LEPROTL1: variants seen among roughly 807,000 people sequenced by gnomAD.
LEPROTL1 encodes the protein leptin receptor overlapping transcript like 1.
A neutral mutation model predicts 15.4 loss-of-function variants in LEPROTL1; 6 were observed. That is an observed-to-expected ratio of 0.39 (90% confidence interval 0.21 to 0.77). LEPROTL1 has a LOEUF of 0.77. LEPROTL1 is among the 30% of genes least tolerant of loss of function. The probability of loss-of-function intolerance (pLI) is 0.41; values close to 1 mark genes in which losing one functional copy is unlikely to be tolerated. For synonymous variants in LEPROTL1, 56 were observed against 52.6 expected (o/e 1.06, Z -0.28); for missense variants, 128 against 158.1 (o/e 0.81, Z 1.02).
Position 30,107,614 on chromosome 8 carries a change from G to C in LEPROTL1, c.*1752G>C. Reference sequence around the variant, plus strand: ...GAAGCAGGACGAAATATCGGCGTGTGGCTGGAGCCTTCCCACTGGAGGCTG... The same window carrying C: ...GAAGCAGGACGAAATATCGGCGTGTCGCTGGAGCCTTCCCACTGGAGGCTG... On this transcript the variant is annotated 3_prime_UTR_variant, in exon 4 of 4. Coordinates refer to ENST00000321250, the MANE Select transcript of LEPROTL1 (RefSeq NM_015344.3). The C allele has an allele frequency of 1.0e-6, 1 of 985,832 alleles. No homozygotes were observed. Among genetic ancestry groups the C allele is most frequent in the Non-Finnish European group, 1.2e-6 (1 of 829,940 alleles). The allele number at this position is 985,832 out of a possible 1,614,324, so 61.1% of individuals were successfully genotyped here.
Position 30,107,295 on chromosome 8 carries a change from T to C in LEPROTL1, c.*1433T>C, listed in dbSNP as rs1286019741. 4.1e-6 allele frequency: 4 copies of C among 985,542 alleles called. No homozygotes were observed. The highest frequency in any genetic ancestry group is 1.2e-6 in the Non-Finnish European group (1 of 829,880). The allele number at this position is 985,542 out of a possible 1,614,324, so 61.0% of individuals were successfully genotyped here. ...GATCAATTTATAGTGGTCGTTTACA[T>C]CTAATAATTATCAGGACTTTTTTCA... is the stretch of plus-strand genomic sequence containing the variant. On this transcript the variant is annotated 3_prime_UTR_variant, in exon 4 of 4. Transcript: ENST00000321250.
chr8:30,127,363 G>A (rs920169135), intron 3 of LEPROTL1, among the ~76,000 whole-genome samples: 8 of 152,090 alleles, frequency 5.3e-5, no homozygotes, highest in East Asian at 1.9e-4. Context: ...AGAGTGATTC[G>A]GCTGATGAAA....
intron 3 of LEPROTL1, among the ~76,000 whole-genome samples, chr8:30,124,613 A>G (rs1490960694): frequency 6.6e-6 from 1 of 152,210 alleles, no homozygotes; most frequent in Non-Finnish European, 1.5e-5. Flanking sequence ...TCCCTATAAT[A>G]TTCTTTCAAA....
chr8:30,115,381 C>A (rs1044238010), intron 3 of LEPROTL1, among the ~76,000 whole-genome samples: 1 of 151,692 alleles, frequency 6.6e-6, no homozygotes, highest in African/African-American at 2.4e-5. Context: ...ATATCATGTA[C>A]CCCCAGATAT....
chr8:30,111,647 TC>T (rs1280009403), downstream of LEPROTL1, among the ~76,000 whole-genome samples: 5 of 152,298 alleles, frequency 3.3e-5, no homozygotes, highest in East Asian at 9.7e-4. Context: ...GAAGTGGTAA[TC>T]TAATGAGATA....
chr8:30,102,587 G>C (rs917103684), intron 2 of LEPROTL1, among the ~76,000 whole-genome samples: 1 of 151,808 alleles, frequency 6.6e-6, no homozygotes, highest in Non-Finnish European at 1.5e-5. Flanking sequence ...AGGAGATGGA[G>C]GTTGCGGTGA....
At chr8:30,121,546 G>T (rs1231670766) in intron 3 of LEPROTL1, among the ~76,000 whole-genome samples, 16 of 152,126 alleles carry the variant, frequency 1.1e-4, no homozygotes, top group Non-Finnish European at 1.5e-5. Flanking sequence ...GAGCCATCAC[G>T]CCCAGCCTAG....
At chr8:30,097,380 T>A (rs554915347) in intron 1 of LEPROTL1, among the ~76,000 whole-genome samples, 59 of 152,154 alleles carry the variant, frequency 3.9e-4, no homozygotes, top group Admixed American at 3.0e-3. Flanking sequence ...TTAAAAAAAA[T>A]TTAGTATTTA....
chr8:30,109,381 T>C (rs1295449115), downstream of LEPROTL1, among the ~76,000 whole-genome samples: 1 of 152,238 alleles, frequency 6.6e-6, no homozygotes, highest in Non-Finnish European at 1.5e-5. Flanking sequence ...GAAGAAAACA[T>C]GTCCTGTAGG....
intron 1 of LEPROTL1, among the ~76,000 whole-genome samples, chr8:30,097,510 A>C (rs1802385935): frequency 6.6e-6 from 1 of 151,758 alleles, no homozygotes; most frequent in African/African-American, 2.4e-5. Flanking sequence ...ATCTCTACTA[A>C]AAATACAAAA....
Position 30,107,061 on chromosome 8 carries a change from C to G in LEPROTL1, c.*1199C>G. On this transcript the variant is annotated 3_prime_UTR_variant, in exon 4 of 4. Coordinates refer to ENST00000321250, the MANE Select transcript of LEPROTL1 (RefSeq NM_015344.3). ...CCATGGTAATAGTAGTTCTTATTCT[C>G]TAAGGTTATATCATATGTAATTTAA... 1.0e-6 allele frequency: 1 copy of G among 973,610 alleles called. No individual in the cohort carries two copies. The highest frequency in any genetic ancestry group is 1.2e-6 in the Non-Finnish European group (1 of 819,294). The allele number at this position is 973,610 out of a possible 1,614,324, so 60.3% of individuals were successfully genotyped here.
In LEPROTL1 at chr8:30,095,462, G is replaced by T; in HGVS notation, c.-51G>T. Reference sequence around the variant, plus strand: ...GCGCGTCTTGGGTCTCCCGGCTGCCGCTGCTGCCGCCGCCGCCTCGGGTCG... The same window carrying T: ...GCGCGTCTTGGGTCTCCCGGCTGCCTCTGCTGCCGCCGCCGCCTCGGGTCG... On this transcript the variant is annotated 5_prime_UTR_variant, in exon 1 of 4. Transcript: ENST00000321250. 6.8e-7 allele frequency: 1 copy of T among 1,463,148 alleles called. No individual in the cohort carries two copies. Among genetic ancestry groups the T allele is most frequent in the Non-Finnish European group, 9.0e-7 (1 of 1,111,614 alleles). The allele number at this position is 1,463,148 out of a possible 1,614,324, so 90.6% of individuals were successfully genotyped here. A position where few individuals can be genotyped will look rare whatever the true frequency, so the allele number is the denominator to read the frequency against.
At chr8:30,112,781 A>C (rs1397910243), downstream of LEPROTL1, among the ~76,000 whole-genome samples, 2 of 152,050 alleles carry the variant, frequency 1.3e-5, no homozygotes, top group African/African-American at 4.8e-5. Flanking sequence ...ATTTAAATGT[A>C]ACCCACAGAG....
chr8:30,136,294 T>C (rs548915727), intron 4 of LEPROTL1, among the ~76,000 whole-genome samples: 1 of 152,194 alleles, frequency 6.6e-6, no homozygotes, highest in African/African-American at 2.4e-5. Flanking sequence ...GAACAGACAA[T>C]TAGGACACAG....
intron 4 of LEPROTL1, chr8:30,132,931 A>G (rs969751946): frequency 6.7e-7 from 1 of 1,484,380 alleles, no homozygotes; most frequent in Non-Finnish European, 8.9e-7. Flanking sequence ...TTTAAAGAAC[A>G]TAAAAACACT....
downstream of LEPROTL1, chr8:30,138,211 C>A: frequency 4.8e-6 from 1 of 206,226 alleles, no homozygotes; most frequent in Non-Finnish European, 1.0e-5. Context: ...ATAAAACTGG[C>A]CTGTCTCCCG....
Position 30,099,462 on chromosome 8 carries a change from A to G in LEPROTL1, c.17-2436A>G, listed in dbSNP as rs932939660. On this transcript the variant is annotated intron_variant, in intron 1 of 3. Transcript: ENST00000321250. ...CAAAAAAAAAAAAAATTAGCTAGGC[A>G]TGGTGGTGCACAGCTGTAGTCCCAG... is the stretch of plus-strand genomic sequence containing the variant. 2.2e-5 allele frequency among the ~76,000 whole-genome samples: 3 copies of G among 136,696 alleles called. No individual in the cohort carries two copies. In the East Asian group the frequency reaches 6.6e-4, roughly 30 times the overall value. The allele number at this position is 136,696 out of a possible 152,430, so 89.7% of individuals were successfully genotyped here.
chr8:30,122,908 A>C (rs773381963), intron 3 of LEPROTL1, among the ~76,000 whole-genome samples: 2 of 152,202 alleles, frequency 1.3e-5, no homozygotes, highest in South Asian at 2.1e-4. Context: ...AACCACCCAA[A>C]ACCTATTGAC....
chr8:30,122,610 G>A (rs369329488), intron 3 of LEPROTL1, among the ~76,000 whole-genome samples: 3 of 152,148 alleles, frequency 2.0e-5, no homozygotes, highest in African/African-American at 7.2e-5. Flanking sequence ...GGCCAACATG[G>A]TGAAACTCCG....
Sources: gnomAD v4.1 joint callset for allele counts (sites outside exome capture counted in the v4.1 genomes callset) on GRCh38, gnomAD v4.1.1 for gene constraint, MANE v1.5 for transcripts, NCBI Gene and HGNC (gene_info 2026-07-23, HGNC 2026-07-21) for gene names.